Variants in DPYD observed in about 807,000 individuals in gnomAD.
DPYD encodes the protein dihydropyrimidine dehydrogenase [NADP(+)].
DPYD carries 109 observed loss-of-function variants against 116.2 expected under a neutral mutation model. The observed-to-expected ratio is 0.94, with a 90% CI of 0.80 to 1.10. DPYD has a LOEUF of 1.10. Ranked by LOEUF, DPYD falls within the 50% of genes least tolerant of loss-of-function variation. The probability of loss-of-function intolerance (pLI) is 0.00; values close to 1 mark genes in which losing one functional copy is unlikely to be tolerated. For missense variants in DPYD, 1,302 were observed against 1,254.5 expected, an observed-to-expected ratio of 1.04 and a Z score of -0.57; for synonymous variants, 440 against 432.0, an observed-to-expected ratio of 1.02 and a Z score of -0.23.
intron 13 of DPYD, among the ~76,000 whole-genome samples, chr1:97,488,239 G>C (rs1033030117): frequency 6.6e-6 from 1 of 152,092 alleles, no homozygotes; most frequent in Non-Finnish European, 1.5e-5. Context: ...AAATTTTAGA[G>C]ATAGAGGACA....
chr1:97,740,912 T>G (rs1664228824), intron 3 of DPYD, among the ~76,000 whole-genome samples: 1 of 152,164 alleles, frequency 6.6e-6, no homozygotes, highest in Non-Finnish European at 1.5e-5. Flanking sequence ...TGAAATATCC[T>G]TTCTTCCACT....
chr1:97,242,936 T>C (rs79023416), intron 18 of DPYD, among the ~76,000 whole-genome samples: 9,064 of 151,912 alleles, frequency 0.06, 370 homozygotes, highest in Middle Eastern at 0.12. Flanking sequence ...ATTTGAAGGA[T>C]AATCATGAAA....
chr1:97,228,341 T>G (rs1661333363), intron 19 of DPYD, among the ~76,000 whole-genome samples: 1 of 152,146 alleles, frequency 6.6e-6, no homozygotes, highest in Non-Finnish European at 1.5e-5. Flanking sequence ...TCTTGAAATG[T>G]CATTACTCTT....
intron 8 of DPYD, among the ~76,000 whole-genome samples, chr1:97,676,949 A>G (rs187338851): frequency 1.3e-5 from 2 of 152,364 alleles, no homozygotes; most frequent in African/African-American, 4.8e-5. Context: ...TGCACAGCAC[A>G]TAAATATGAA....
At chr1:97,098,447 C>T (rs1432353462) in intron 21 of DPYD, 42 bp downstream of exon 21, 1 of 1,591,970 alleles carries the variant, frequency 6.3e-7, no homozygotes, top group African/African-American at 1.3e-5. Flanking sequence ...GTATATTTAA[C>T]CAGTAAAGTA....
intron 1 of DPYD, among the ~76,000 whole-genome samples, chr1:97,906,871 A>G (rs1673653098): frequency 6.6e-6 from 1 of 152,032 alleles, no homozygotes; most frequent in African/African-American, 2.4e-5. Context: ...GAATTTTCAC[A>G]TTTTCACTTG....
At chr1:97,466,634 G>A (rs909978664) in intron 13 of DPYD, among the ~76,000 whole-genome samples, 1 of 151,848 alleles carries the variant, frequency 6.6e-6, no homozygotes, top group Non-Finnish European at 1.5e-5. Context: ...TGAAATGAGA[G>A]AACCTTTTTC....
At chr1:97,910,934 C>A (rs1673902913) in intron 1 of DPYD, among the ~76,000 whole-genome samples, 1 of 151,780 alleles carries the variant, frequency 6.6e-6, no homozygotes, top group Non-Finnish European at 1.5e-5. Flanking sequence ...TTTACTCTTA[C>A]ATTAAAATGT....
chr1:97,515,338 T>C (rs1648136761), intron 13 of DPYD, among the ~76,000 whole-genome samples: 1 of 151,964 alleles, frequency 6.6e-6, no homozygotes, highest in African/African-American at 2.4e-5. Context: ...TAAGTTACAC[T>C]GAGATTCTTT....
intron 2 of DPYD, among the ~76,000 whole-genome samples, chr1:97,878,980 T>G: frequency 6.6e-6 from 1 of 152,116 alleles, no homozygotes; most frequent in Middle Eastern, 3.4e-3. Context: ...ATTATTTAGT[T>G]ATTTTCATTG....
At position 97,896,578 on chromosome 1, in the gene DPYD, A is replaced by G. The variant is rs1010313463; in HGVS notation, c.40-13204T>C. ...TAATTCACTTACACATGATTCACCT[A>G]TTTTAAGTATATAATTCATGAATTT... On this transcript the variant is annotated intron_variant, in intron 1 of 22. Coordinates refer to ENST00000370192, the MANE Select transcript of DPYD (RefSeq NM_000110.4). 3.9e-5 allele frequency among the ~76,000 whole-genome samples: 6 copies of G among 151,972 alleles called. No individual in the cohort carries two copies. The South Asian group carries it at 8.3e-4, about 21-fold the overall frequency.
intron 12 of DPYD, among the ~76,000 whole-genome samples, chr1:97,518,818 C>T (rs1425690960): frequency 6.6e-6 from 1 of 151,892 alleles, no homozygotes; most frequent in Non-Finnish European, 1.5e-5. Flanking sequence ...AGAAATGATA[C>T]AGAAGAAAAT....
At chr1:97,177,403 G>A (rs1335584820) in intron 20 of DPYD, among the ~76,000 whole-genome samples, 2 of 152,148 alleles carry the variant, frequency 1.3e-5, no homozygotes, top group East Asian at 3.9e-4. Context: ...CAACTTTAGT[G>A]AGAGCATGTT....
rs1553245559 is a variant in DPYD, at chr1:97,814,935, A to AAGAAAGAAAGAAAGGAG, written c.233+13178_233+13179insCTCCTTTCTTTCTTTCT. 2.0e-3 allele frequency among the ~76,000 whole-genome samples: 161 copies of AAGAAAGAAAGAAAGGAG among 79,300 alleles called. 2 individuals carry two copies. The highest frequency in any genetic ancestry group is 0.019 in the Middle Eastern group (3 of 156). The allele number at this position is 79,300 out of a possible 152,430, so 52.0% of individuals were successfully genotyped here. ...AAAAAAAAAAAAGAAAGAGAGAGGA[A>AAGAAAGAAAGAAAGGAG]AGAAAGAAAGAAAGAAAGAAAGGAG... On this transcript the variant is annotated intron_variant, in intron 3 of 22. Transcript: ENST00000370192.
At chr1:97,222,657 T>A (rs1660853030) in intron 19 of DPYD, among the ~76,000 whole-genome samples, 1 of 152,120 alleles carries the variant, frequency 6.6e-6, no homozygotes, top group South Asian at 2.1e-4. Context: ...CATCATTGAA[T>A]GGATAAACTA....
At chr1:97,705,694 C>T (rs1252418273) in intron 5 of DPYD, among the ~76,000 whole-genome samples, 2 of 152,054 alleles carry the variant, frequency 1.3e-5, no homozygotes, top group African/African-American at 2.4e-5. Flanking sequence ...TTCTAGATCC[C>T]TGAGGAATCG....
At chr1:97,397,238 A>T (rs12407793) in intron 14 of DPYD, among the ~76,000 whole-genome samples, 15 of 151,980 alleles carry the variant, frequency 9.9e-5, no homozygotes, top group African/African-American at 3.4e-4. Flanking sequence ...TGTATAAAAG[A>T]TCATGACTAC....
intron 16 of DPYD, 104 bp downstream of exon 16, chr1:97,373,457 G>C: frequency 1.0e-6 from 1 of 954,848 alleles, no homozygotes; most frequent in Non-Finnish European, 1.6e-6. Context: ...TCTCTAGCCA[G>C]TCATCTGATC....
chr1:97,467,956 C>G (rs1005955815), intron 13 of DPYD, among the ~76,000 whole-genome samples: 6 of 152,046 alleles, frequency 3.9e-5, no homozygotes, highest in Non-Finnish European at 8.8e-5. Context: ...AAAATCTGCC[C>G]TGACAAGAGA....
Sources: gnomAD v4.1 joint callset for allele counts (sites outside exome capture counted in the v4.1 genomes callset) on GRCh38, gnomAD v4.1.1 for gene constraint, MANE v1.5 for transcripts, NCBI Gene and HGNC (gene_info 2026-07-23, HGNC 2026-07-21) for gene names.